CNMD: variants seen among roughly 807,000 people sequenced by gnomAD.
CNMD encodes chondromodulin.
A neutral mutation model predicts 37.5 loss-of-function variants in CNMD; 30 were observed. That is an observed-to-expected ratio of 0.80 (90% CI 0.60 to 1.09). CNMD has a LOEUF of 1.09. CNMD is among the 50% of genes least tolerant of loss of function. The pLI is 0.00. For missense variants in CNMD, 398 were observed against 423.9 expected, an observed-to-expected ratio of 0.94 and a Z score of 0.54; for synonymous variants, 167 against 148.2, an observed-to-expected ratio of 1.13 and a Z score of -0.92.
intron 6 of CNMD, among the ~76,000 whole-genome samples, chr13:52,707,048 T>C (rs565186452): frequency 6.6e-6 from 1 of 152,086 alleles, no homozygotes; most frequent in African/African-American, 2.4e-5. Flanking sequence ...TGCACGTCAC[T>C]GTGCCAGCTA....
intron 4 of CNMD, among the ~76,000 whole-genome samples, chr13:52,716,884 G>C (rs1239083408): frequency 1.3e-5 from 2 of 152,166 alleles, no homozygotes; most frequent in Admixed American, 6.5e-5. Flanking sequence ...ATTCTGTGAA[G>C]AAAGTCAGTG....
Position 52,703,602 on chromosome 13 carries a change from A to G in CNMD, c.998T>C (p.Met333Thr). The change falls in exon 7 of 7, where the codon ATG (methionine) becomes ACG (threonine). Residue 333 changes from methionine to threonine, a missense_variant. By Grantham distance (81) the Met-to-Thr change is moderately conservative. Transcript: ENST00000377962. The stretch of plus-strand genomic sequence containing the variant: ...ATGATATATGAAGTGATTTCACACC[A>G]TGCCCAAGATACGGGCCACCCACCA... The part of the protein sequence containing the change: ...CSWWVARILG[M>T]V 3 of 1,608,872 alleles carry G rather than the reference A, an allele frequency of 1.9e-6. No homozygotes were observed. Among genetic ancestry groups the G allele is most frequent in the African/African-American group, 1.3e-5 (1 of 74,950 alleles).
chr13:52,739,062 GC>G lies in CNMD; in HGVS notation c.181del (p.Ala61ProfsTer19). On this transcript the variant is annotated frameshift_variant, in exon 2 of 7. Coordinates refer to ENST00000377962, the MANE Select transcript of CNMD (RefSeq NM_007015.3). LOFTEE classifies it high-confidence loss of function. The surrounding 1 kb of genome is among the most constrained non-coding windows in gnomAD (Gnocchi z 5.4). ...GTCGCTCCCCTTCCAGAAGTAGAAG[GC>G]CCCGATGGCCCCAAAGAGCAGCAGC... is the stretch of plus-strand genomic sequence containing the variant. ...AVLLLFGAIG[A>X]FYFWKGSDSH... The G allele has an allele frequency of 1.9e-6, 3 of 1,580,554 alleles. No homozygotes were observed. Among genetic ancestry groups the G allele is most frequent in the South Asian group, 1.1e-5 (1 of 88,778 alleles).
chr13:52,724,144 A>G (rs756266326), intron 3 of CNMD, 34 bp from the exon 4 acceptor site: 2 of 1,463,436 alleles, frequency 1.4e-6, no homozygotes, highest in East Asian at 4.5e-5. Context: ...CTATCTATCC[A>G]TTTGTTCATT....
chr13:52,704,786 G>A (rs1964147270), intron 6 of CNMD, among the ~76,000 whole-genome samples: 1 of 152,118 alleles, frequency 6.6e-6, no homozygotes, highest in Non-Finnish European at 1.5e-5. Flanking sequence ...TTTCAGCCAC[G>A]CGCAGTGGCT....
Position 52,739,621 on chromosome 13 carries a change from G to T in CNMD, c.72+9C>A. On this transcript the variant is annotated intron_variant, in intron 1 of 6. Coordinates refer to ENST00000377962, the MANE Select transcript of CNMD (RefSeq NM_007015.3). The surrounding 1 kb of genome is among the most constrained non-coding windows in gnomAD (Gnocchi z 5.4). The stretch of plus-strand genomic sequence containing the variant: ...AGGCCCTGCGTGTGGAATCCCTGGC[G>T]GTACTCACCGGGGGGCTGCAGAATT... The T allele has an allele frequency of 9.9e-6, 16 of 1,612,490 alleles. No individual in the cohort carries two copies. The highest frequency in any genetic ancestry group is 1.3e-5 in the Non-Finnish European group (15 of 1,178,514).
chr13:52,712,320 C>A (rs370411971), intron 5 of CNMD, among the ~76,000 whole-genome samples: 1 of 152,152 alleles, frequency 6.6e-6, no homozygotes, highest in Admixed American at 6.5e-5. Flanking sequence ...TAGGTTTGAA[C>A]ACAATAAAGA....
At chr13:52,724,724 T>C (rs61959659) in intron 3 of CNMD, among the ~76,000 whole-genome samples, 6,171 of 150,748 alleles carry the variant, frequency 0.041, 150 homozygotes, top group South Asian at 0.065. Context: ...TGGTGAAACC[T>C]TGTCTCTACT....
At chr13:52,738,957 G>A (rs1028174492) in intron 2 of CNMD, 74 bp downstream of exon 2, 25 of 1,345,114 alleles carry the variant, frequency 1.9e-5, no homozygotes, top group South Asian at 2.1e-5. Flanking sequence ...GCCCCTCGCC[G>A]GCCCGCGCTC....
chr13:52,726,865 A>G (rs1311294496), intron 3 of CNMD, among the ~76,000 whole-genome samples: 4 of 152,212 alleles, frequency 2.6e-5, no homozygotes, highest in African/African-American at 7.2e-5. Context: ...ACAATTTAGG[A>G]TATGAATGAG....
At chr13:52,737,903 G>T (rs191422822) in intron 2 of CNMD, among the ~76,000 whole-genome samples, 79 of 152,330 alleles carry the variant, frequency 5.2e-4, no homozygotes, top group African/African-American at 1.8e-3. Context: ...ACAAATCGAT[G>T]CTTGTAAATT....
At chr13:52,722,532 G>A (rs1459969477) in intron 4 of CNMD, among the ~76,000 whole-genome samples, 1 of 152,104 alleles carries the variant, frequency 6.6e-6, no homozygotes, top group Non-Finnish European at 1.5e-5. Context: ...CATACCCCCA[G>A]CTTACAGATG....
intron 3 of CNMD, among the ~76,000 whole-genome samples, chr13:52,732,582 A>C (rs896619854): frequency 6.6e-6 from 1 of 152,218 alleles, no homozygotes; most frequent in African/African-American, 2.4e-5. Flanking sequence ...GCTCATGGTC[A>C]TTTTCTGGAT....
At position 52,739,077 on chromosome 13, in the gene CNMD, A is replaced by G. The variant is rs1964832018; in HGVS notation, c.167T>C (p.Phe56Ser). 6.3e-7 allele frequency: 1 copy of G among 1,581,514 alleles called. No homozygotes were observed. Among genetic ancestry groups the G allele is most frequent in the Non-Finnish European group, 8.6e-7 (1 of 1,166,948 alleles). The change falls in exon 2 of 7, where the codon TTT (phenylalanine) becomes TCT (serine). Residue 56 changes from phenylalanine to serine, a missense_variant. Coordinates refer to ENST00000377962, the MANE Select transcript of CNMD (RefSeq NM_007015.3). The surrounding 1 kb of genome is among the most constrained non-coding windows in gnomAD (Gnocchi z 5.4). ...VLISGAVLLL[F>S]GAIGAFYFWK... ...GAAGTAGAAGGCCCCGATGGCCCCAAAGAGCAGCAGCACAGCTCCCGAAAT... is the reference window on the plus strand; with the variant it reads ...GAAGTAGAAGGCCCCGATGGCCCCAGAGAGCAGCAGCACAGCTCCCGAAAT...
intron 4 of CNMD, 27 bp downstream of exon 4, chr13:52,723,970 C>A: frequency 2.2e-6 from 3 of 1,378,818 alleles, no homozygotes; most frequent in Non-Finnish European, 3.1e-6. Context: ...CAAGCAGTCT[C>A]ACTGTCTCAG....
chr13:52,712,333 C>T (rs370177534), intron 5 of CNMD, among the ~76,000 whole-genome samples: 12 of 152,146 alleles, frequency 7.9e-5, no homozygotes, highest in African/African-American at 2.9e-4. Context: ...AATAAAGACT[C>T]GGCGGTATGA....
In CNMD at chr13:52,739,679, A is replaced by T. The variant is rs559078245; in HGVS notation, c.23T>A (p.Val8Asp). Residue 8 changes from valine to aspartate, a missense_variant, in exon 1 of 7, where the codon GTT becomes GAT. Val to Asp is a radical substitution (Grantham distance 152). Coordinates refer to ENST00000377962, the MANE Select transcript of CNMD (RefSeq NM_007015.3). The surrounding 1 kb of genome is among the most constrained non-coding windows in gnomAD (Gnocchi z 5.4). ...ATCAGGTCCCACCAGGGCAATGGGA[A>T]CTTTGTCGGAGTTCTCTGTCATGTT... The part of the protein sequence containing the change: MTENSDK[V>D]PIALVGPDDV... 6.2e-7 allele frequency: 1 copy of T among 1,614,052 alleles called. No individual in the cohort carries two copies. Among genetic ancestry groups the T allele is most frequent in the East Asian group, 2.2e-5 (1 of 44,862 alleles).
At chr13:52,714,535 A>G (rs921483159) in intron 4 of CNMD, among the ~76,000 whole-genome samples, 1 of 152,202 alleles carries the variant, frequency 6.6e-6, no homozygotes, top group Non-Finnish European at 1.5e-5. Context: ...AGCATTCACC[A>G]TCACGGCGAA....
chr13:52,734,036 C>T (rs1033668050), intron 2 of CNMD, among the ~76,000 whole-genome samples: 5 of 152,144 alleles, frequency 3.3e-5, no homozygotes, highest in African/African-American at 7.2e-5. Flanking sequence ...ACTCCCTGAA[C>T]GATTCTATGG....
Sources: allele counts gnomAD v4.1 joint callset (sites outside exome capture counted in the v4.1 genomes callset), GRCh38; gene constraint gnomAD v4.1.1; non-coding constraint Gnocchi (gnomAD v3.1); transcripts MANE v1.5; gene names NCBI Gene and HGNC (gene_info 2026-07-23, HGNC 2026-07-21).